The following MTRES1 variants were observed in gnomAD, a reference collection of about 807,000 sequenced individuals.
The protein encoded by MTRES1 is uncharacterized protein C6orf203.
MTRES1 carries 11 observed loss-of-function variants against 17.4 expected under a neutral mutation model. The ratio of observed to expected loss-of-function variants is 0.63; its 90% CI spans 0.40 to 1.05. The LOEUF is 1.05. Ranked by LOEUF, MTRES1 falls within the 50% of genes least tolerant of loss-of-function variation. MTRES1 has a pLI of 0.00. For missense variants in MTRES1, 268 were observed against 276.2 expected, an observed-to-expected ratio of 0.97 and a Z score of 0.21; for synonymous variants, 94 against 99.6, an observed-to-expected ratio of 0.94 and a Z score of 0.34.
intron 1 of MTRES1, among the ~76,000 whole-genome samples, chr6:107,031,625 C>T (rs1773845874): frequency 1.4e-5 from 2 of 147,854 alleles, no homozygotes; most frequent in South Asian, 2.1e-4. Context: ...TTTTTTGAGA[C>T]GTCTCACTCT....
At chr6:107,044,864 G>T (rs1774338593) in intron 3 of MTRES1, among the ~76,000 whole-genome samples, 1 of 152,126 alleles carries the variant, frequency 6.6e-6, no homozygotes, top group South Asian at 2.1e-4. Flanking sequence ...AAGAAAATGT[G>T]TTTCCAGTCT....
chr6:107,042,093 C>T (rs904376638), intron 2 of MTRES1, among the ~76,000 whole-genome samples: 8 of 151,858 alleles, frequency 5.3e-5, no homozygotes, highest in Non-Finnish European at 1.0e-4. Context: ...GTAGTCCCAG[C>T]ACTTTGGGAG....
At position 107,040,149 on chromosome 6, in the gene MTRES1, A is replaced by G; in HGVS notation, c.389A>G (p.Lys130Arg). The change falls in exon 2 of 4, where the codon AAA becomes AGA. Residue 130 changes from lysine to arginine, a missense_variant. Coordinates refer to ENST00000311381, the MANE Select transcript of MTRES1 (RefSeq NM_016487.5). ...CTTGAGGATGATCCTACTGTAGTCA[A>G]AAACTATAAAGACCTGGAAAAAGCA... The part of the protein sequence containing the change: ...EELEDDPTVV[K>R]NYKDLEKAVQ... 6.2e-7 allele frequency: 1 copy of G among 1,613,534 alleles called. No individual in the cohort carries two copies. The highest frequency in any genetic ancestry group is 1.1e-5 in the South Asian group (1 of 90,832).
intron 3 of MTRES1, among the ~76,000 whole-genome samples, chr6:107,049,431 G>A (rs1238098320): frequency 4.8e-5 from 1 of 21,028 alleles, no homozygotes; most frequent in Non-Finnish European, 9.5e-5. Context: ...TTTTTTTTTT[G>A]GAGACGGAGT....
rs782159019 is a variant in MTRES1 at position 107,044,307 on chromosome 6, A to T, written c.518A>T (p.Glu173Val). The change falls in exon 3 of 4, where the codon GAA (glutamate) becomes GTA (valine). Residue 173 changes from glutamate (E) to valine (V), a missense_variant. Physicochemically the swap from Glu to Val is moderately radical, Grantham distance 121. Transcript: ENST00000311381. ...FYKGELRLNE[E>V]KLWKKSRTVK... The stretch of plus-strand genomic sequence containing the variant: ...AAAGGTGAACTCAGGCTGAATGAGG[A>T]AAAATTATGGAAGAAAAGCAGAACG... 112 of 1,613,434 alleles carry T rather than the reference A, an allele frequency of 6.9e-5. No homozygotes were observed. Among genetic ancestry groups the T allele is most frequent in the Non-Finnish European group, 9.0e-5 (106 of 1,179,598 alleles).
At chr6:107,037,431 G>T (rs1237540822) in intron 1 of MTRES1, among the ~76,000 whole-genome samples, 1 of 152,014 alleles carries the variant, frequency 6.6e-6, no homozygotes, top group African/African-American at 2.4e-5. Flanking sequence ...GGCTGGTCTT[G>T]AACTCCTCAC....
Position 107,051,328 on chromosome 6 carries a change from T to A in MTRES1, c.*92T>A. ...ACATTTTTATTAAAATAAAGTTCTC[T>A]TAGCGTTTGTGGAATCTGCCGAGCC... On this transcript the variant is annotated 3_prime_UTR_variant, in exon 4 of 4. Transcript: ENST00000311381. 8.5e-7 allele frequency: 1 copy of A among 1,173,856 alleles called. No individual in the cohort carries two copies. Among genetic ancestry groups the A allele is most frequent in the Non-Finnish European group, 1.2e-6 (1 of 838,254 alleles). 72.7% of individuals were successfully genotyped at this position (1,173,856 alleles called of 1,614,324 possible).
chr6:107,038,775 G>C (rs311204), intron 1 of MTRES1, among the ~76,000 whole-genome samples: 144,207 of 152,274 alleles, frequency 0.95, 68,471 homozygotes, highest in East Asian at 1. Flanking sequence ...CAAAACCAGG[G>C]CAGGCGTGGT....
chr6:107,031,998 G>A (rs6934232), intron 1 of MTRES1, among the ~76,000 whole-genome samples: 151,984 of 152,242 alleles, frequency 1, 75,864 homozygotes, highest in Non-Finnish European at 1. Context: ...AGGCGTGATC[G>A]GTTTTTTCAA....
intron 1 of MTRES1, among the ~76,000 whole-genome samples, chr6:107,034,763 A>G (rs1455155996): frequency 6.6e-6 from 1 of 152,150 alleles, no homozygotes; most frequent in Non-Finnish European, 1.5e-5. Flanking sequence ...CAAGGTGGGC[A>G]GATCACCTGA....
chr6:107,043,954 C>T (rs1208416153), intron 2 of MTRES1, among the ~76,000 whole-genome samples: 1 of 152,210 alleles, frequency 6.6e-6, no homozygotes, highest in Non-Finnish European at 1.5e-5. Context: ...TAGTGAAACC[C>T]TGTCTCTACT....
Position 107,029,958 on chromosome 6 carries a change from A to G in MTRES1, c.-13+1687A>G, listed in dbSNP as rs534296794. The G allele has an allele frequency of 1.2e-4, 79 of 651,866 alleles. No individual in the cohort carries two copies. In the South Asian group the frequency reaches 1.4e-3, roughly 11 times the overall value. The allele number at this position is 651,866 out of a possible 1,614,324, so 40.4% of individuals were successfully genotyped here. ...CTGCTCCACTTTCTTCCCCCAGTGCATTAACCACCAGCTATCATATAATTT... is the reference window on the plus strand; with the variant it reads ...CTGCTCCACTTTCTTCCCCCAGTGCGTTAACCACCAGCTATCATATAATTT... On this transcript the variant is annotated intron_variant, in intron 1 of 3. Transcript: ENST00000311381.
At position 107,034,634 on chromosome 6, in the gene MTRES1, A is replaced by C. The variant is rs115095427; in HGVS notation, c.-12-5115A>C. ...AACTGAGATGGGCTTGTCGCAAGGA[A>C]CAAATGAGTTAACGTGTAGAGCAAT... On this transcript the variant is annotated intron_variant, in intron 1 of 3. Transcript: ENST00000311381. Among the ~76,000 whole-genome samples the C allele has an allele frequency of 4.3e-3, 662 of 152,326 alleles. 1 individual carries two copies. Among genetic ancestry groups the C allele is most frequent in the African/African-American group, 0.015 (633 of 41,576 alleles).
At chr6:107,050,928 G>T in intron 3 of MTRES1, 129 bp from the exon 4 acceptor site, 1 of 746,990 alleles carries the variant, frequency 1.3e-6, no homozygotes. Context: ...AGTGACTAAG[G>T]TCAGGGCCTT....
intron 1 of MTRES1, chr6:107,030,235 C>T (rs1409730762): frequency 1.4e-6 from 1 of 700,728 alleles, no homozygotes; most frequent in Non-Finnish European, 2.6e-6. Flanking sequence ...GCCTTTAGAC[C>T]ATCGTAGAGA....
At chr6:107,044,372 C>T (rs1774322525) in intron 3 of MTRES1, 40 bp downstream of exon 3, 1 of 1,503,728 alleles carries the variant, frequency 6.7e-7, no homozygotes, top group Non-Finnish European at 9.2e-7. Flanking sequence ...ATGTTTTCGT[C>T]TCTTACTCTG....
At chr6:107,032,065 A>G (rs1773864163) in intron 1 of MTRES1, among the ~76,000 whole-genome samples, 1 of 152,202 alleles carries the variant, frequency 6.6e-6, no homozygotes, top group Non-Finnish European at 1.5e-5. Context: ...GATTTAGAAA[A>G]TGAAAGGAGT....
rs781794012 is a variant in MTRES1 at position 107,044,240 on chromosome 6, T to G, written c.471-20T>G. The G allele has an allele frequency of 6.2e-7, 1 of 1,607,094 alleles. No homozygotes were observed. The highest frequency in any genetic ancestry group is 1.1e-5 in the South Asian group (1 of 90,906). The stretch of plus-strand genomic sequence containing the variant: ...CCATCACCCAAATTGTGTACATTGT[T>G]GCTTTTTTTTGTTTTGTAGCAAAGT... On this transcript the variant is annotated intron_variant, in intron 2 of 3. Coordinates refer to ENST00000311381, the MANE Select transcript of MTRES1 (RefSeq NM_016487.5).
rs1554227393 is a variant in MTRES1 at position 107,039,843 on chromosome 6, G to T, written c.83G>T (p.Gly28Val). 15 of 1,614,014 alleles carry T rather than the reference G, an allele frequency of 9.3e-6. No individual in the cohort carries two copies. Among genetic ancestry groups the T allele is most frequent in the Non-Finnish European group, 1.3e-5 (15 of 1,180,026 alleles). The part of the protein sequence containing the change: ...AWIGLWGVLR[G>V]TPSSYKLCTS... Reference sequence around the variant, plus strand: ...ATTGGACTCTGGGGTGTTCTCCGAGGGACACCTTCATCATACAAACTCTGT... The same window carrying T: ...ATTGGACTCTGGGGTGTTCTCCGAGTGACACCTTCATCATACAAACTCTGT... The change falls in exon 2 of 4, where the codon GGG becomes GTG. Residue 28 changes from glycine to valine, a missense_variant. Coordinates refer to ENST00000311381, the MANE Select transcript of MTRES1 (RefSeq NM_016487.5).
Sources: allele counts gnomAD v4.1 joint callset (sites outside exome capture counted in the v4.1 genomes callset), GRCh38; gene constraint gnomAD v4.1.1; transcripts MANE v1.5; gene names NCBI Gene and HGNC (gene_info 2026-07-23, HGNC 2026-07-21).